RGS17: variants seen among roughly 807,000 people sequenced by gnomAD.
RGS17 encodes regulator of G-protein signaling 17.
A neutral mutation model predicts 25.5 loss-of-function variants in RGS17; 12 were observed. That is an observed-to-expected ratio of 0.47 (90% confidence interval 0.30 to 0.76). The LOEUF is 0.76. Among genes scored for constraint, RGS17 ranks in the 30% least tolerant of loss-of-function variants. The probability of loss-of-function intolerance (pLI) is 0.07; values close to 1 mark genes in which losing one functional copy is unlikely to be tolerated. For missense variants in RGS17, 196 were observed against 242.2 expected (o/e 0.81, Z 1.27); for synonymous variants, 71 against 76.9 (o/e 0.92, Z 0.40).
intron 1 of RGS17, among the ~76,000 whole-genome samples, chr6:153,090,081 T>A (rs1323429441): frequency 6.6e-6 from 1 of 152,146 alleles, no homozygotes; most frequent in Admixed American, 6.5e-5. Flanking sequence ...TAAATTTTCC[T>A]TTTCATAACT....
chr6:153,012,345 T>C (rs1460038329), intron 4 of RGS17, among the ~76,000 whole-genome samples: 1 of 152,188 alleles, frequency 6.6e-6, no homozygotes, highest in African/African-American at 2.4e-5. Flanking sequence ...AACATCCTTA[T>C]ATATCCAAAG....
At chr6:153,072,346 T>G (rs1369285945) in intron 1 of RGS17, among the ~76,000 whole-genome samples, 1 of 152,152 alleles carries the variant, frequency 6.6e-6, no homozygotes, top group African/African-American at 2.4e-5. Flanking sequence ...TCTTCAGCAA[T>G]GTGTTACCCA....
At chr6:153,023,420 T>C (rs1779266613) in intron 4 of RGS17, 1 of 500,410 alleles carries the variant, frequency 2.0e-6, no homozygotes, top group African/African-American at 1.9e-5. Flanking sequence ...TTTGAAGCCC[T>C]CTGGAGCTCC....
intron 2 of RGS17, among the ~76,000 whole-genome samples, chr6:153,028,604 G>T (rs1013236644): frequency 2.6e-5 from 4 of 152,100 alleles, no homozygotes; most frequent in African/African-American, 7.2e-5. Context: ...AAGTGGATGG[G>T]GGGGGATACA....
At chr6:153,074,671 G>A (rs918587752) in intron 1 of RGS17, among the ~76,000 whole-genome samples, 3 of 152,072 alleles carry the variant, frequency 2.0e-5, no homozygotes, top group Admixed American at 6.6e-5. Context: ...AACAGGATAC[G>A]GTTTATTAGA....
intron 1 of RGS17, among the ~76,000 whole-genome samples, chr6:153,055,998 G>A (rs756828226): frequency 1.3e-5 from 2 of 152,278 alleles, no homozygotes; most frequent in Non-Finnish European, 2.9e-5. Context: ...ACACTGTTAA[G>A]GCTAGGATGG....
intron 1 of RGS17, among the ~76,000 whole-genome samples, chr6:153,090,396 T>C (rs1777110430): frequency 6.8e-6 from 1 of 146,064 alleles, no homozygotes; most frequent in South Asian, 2.2e-4. Flanking sequence ...TAGGATCTGC[T>C]GGGCCCAGGA....
At chr6:153,099,545 T>G (rs1777265041) in intron 1 of RGS17, among the ~76,000 whole-genome samples, 2 of 152,196 alleles carry the variant, frequency 1.3e-5, no homozygotes, top group African/African-American at 2.4e-5. Flanking sequence ...CTAGAGGAAG[T>G]GTGCATTTTG....
chr6:153,079,120 C>A (rs1164315445), intron 1 of RGS17, among the ~76,000 whole-genome samples: 14 of 151,716 alleles, frequency 9.2e-5, no homozygotes, highest in Non-Finnish European at 1.9e-4. Context: ...GCTCTGTCAC[C>A]CAGGCTGGAG....
At chr6:153,023,825 G>C (rs73785725) in intron 4 of RGS17, among the ~76,000 whole-genome samples, 1,741 of 152,168 alleles carry the variant, frequency 0.011, 21 homozygotes, top group African/African-American at 0.039. Context: ...GCAGATTTCT[G>C]GGTCCTATTT....
chr6:153,054,650 CAAATAAATAAATAAAT>C (rs55901939), intron 1 of RGS17, among the ~76,000 whole-genome samples: 104 of 141,858 alleles, frequency 7.3e-4, no homozygotes, highest in African/African-American at 2.3e-3. Flanking sequence ...GACTTCATCT[CAAATAAATAAATAAAT>C]AAATAAATAA....
In RGS17 at chr6:153,109,190, A is replaced by T. The variant is rs115525337; in HGVS notation, c.-26+21934T>A. Reference sequence around the variant, plus strand: ...ACGCCATTTTTTTTTCATTTTTATTATTTCAACTTCAATTTCCTGTTTATC... The same window carrying T: ...ACGCCATTTTTTTTTCATTTTTATTTTTTCAACTTCAATTTCCTGTTTATC... On this transcript the variant is annotated intron_variant, in intron 1 of 4. Transcript: ENST00000206262. 3.3e-3 allele frequency among the ~76,000 whole-genome samples: 502 copies of T among 152,050 alleles called. 3 individuals carry two copies. The highest frequency in any genetic ancestry group is 0.012 in the African/African-American group (484 of 41,460).
intron 1 of RGS17, 134 bp from the exon 2 acceptor site, chr6:153,044,177 G>A: frequency 3.4e-6 from 2 of 596,772 alleles, no homozygotes; most frequent in Non-Finnish European, 5.9e-6. Flanking sequence ...AACTTGAGAG[G>A]CCAAACTAAA....
chr6:153,069,673 A>G (rs951056360), intron 1 of RGS17, among the ~76,000 whole-genome samples: 1 of 152,040 alleles, frequency 6.6e-6, no homozygotes, highest in African/African-American at 2.4e-5. Context: ...GTTCTCCATG[A>G]TATAATTATT....
chr6:153,100,500 T>C (rs1777284066), intron 1 of RGS17, among the ~76,000 whole-genome samples: 2 of 150,676 alleles, frequency 1.3e-5, no homozygotes, highest in South Asian at 4.2e-4. Flanking sequence ...TCACTCTATA[T>C]CCTATATGTA....
rs74488868 is a variant in RGS17, at chr6:153,113,359, T to G, written c.-26+17765A>C. On this transcript the variant is annotated intron_variant, in intron 1 of 4. Transcript: ENST00000206262. ...AGGGCATTACATAATGGTAAAGGGA[T>G]CAATGCCGCAAGAAGAGCTAACTAT... Among the ~76,000 whole-genome samples, 9 of 152,224 alleles carry G rather than the reference T, an allele frequency of 5.9e-5. No individual in the cohort carries two copies. In the South Asian group the frequency reaches 1.0e-3, roughly 18 times the overall value.
chr6:153,005,188 A>T lies in RGS17; in HGVS notation c.*6386T>A, dbSNP rs1398222476. ...GTTTAAATTTAAATTACCTCTTATGACAATTAGTAAGATAAGATCTTTAAT... is the reference window on the plus strand; with the variant it reads ...GTTTAAATTTAAATTACCTCTTATGTCAATTAGTAAGATAAGATCTTTAAT... On this transcript the variant is annotated 3_prime_UTR_variant, in exon 5 of 5. Transcript: ENST00000206262. The T allele has an allele frequency of 6.6e-6, 1 of 152,360 alleles. No individual in the cohort carries two copies. The highest frequency in any genetic ancestry group is 2.4e-5 in the African/African-American group (1 of 41,580). The allele number at this position is 152,360 out of a possible 1,614,324, so 9.4% of individuals were successfully genotyped here. A position where few individuals can be genotyped will look rare whatever the true frequency, so the allele number is the denominator to read the frequency against.
chr6:153,049,891 G>A (rs1460864756), intron 1 of RGS17, among the ~76,000 whole-genome samples: 1 of 152,120 alleles, frequency 6.6e-6, no homozygotes, highest in African/African-American at 2.4e-5. Context: ...AATAAGTGGG[G>A]GTGTTTGTTC....
At position 153,030,167 on chromosome 6, in the gene RGS17, T is replaced by G. The variant is rs148019977; in HGVS notation, c.120-3624A>C. On this transcript the variant is annotated intron_variant, in intron 2 of 4. Transcript: ENST00000206262. ...AAAATACTTGTGACATTTGAGAACT[T>G]AAGAAAATGTGCCCCCTCTCTATGG... 4.7e-3 allele frequency among the ~76,000 whole-genome samples: 709 copies of G among 152,260 alleles called. 3 individuals carry two copies. The highest frequency in any genetic ancestry group is 0.01 in the Middle Eastern group (3 of 294).
Sources: gnomAD v4.1 joint callset for allele counts (sites outside exome capture counted in the v4.1 genomes callset) on GRCh38, gnomAD v4.1.1 for gene constraint, MANE v1.5 for transcripts, NCBI Gene and HGNC (gene_info 2026-07-23, HGNC 2026-07-21) for gene names.